Variants in PPP6R3 observed in about 807,000 individuals in gnomAD.
The protein encoded by PPP6R3 is serine/threonine-protein phosphatase 6 regulatory subunit 3.
A neutral mutation model predicts 110.7 loss-of-function variants in PPP6R3; 38 were observed. That is an observed-to-expected ratio of 0.34 (90% CI 0.26 to 0.45). The LOEUF (loss-of-function observed/expected upper bound fraction) is 0.45, where lower values mean the gene tolerates loss of function less well. Ranked by LOEUF, PPP6R3 falls within the 20% of genes least tolerant of loss-of-function variation. PPP6R3 has a pLI of 1.00. For synonymous variants in PPP6R3, 369 were observed against 373.5 expected, an observed-to-expected ratio of 0.99 and a Z score of 0.14; for missense variants, 870 against 1,062.4, an observed-to-expected ratio of 0.82 and a Z score of 2.52.
At chr11:68,525,797 G>T (rs2099194071) in intron 2 of PPP6R3, among the ~76,000 whole-genome samples, 1 of 152,072 alleles carries the variant, frequency 6.6e-6, no homozygotes, top group African/African-American at 2.4e-5. Context: ...GATTAGGAAA[G>T]GCCATTTTCT....
At chr11:68,463,025 T>C (rs1326372609) in intron 1 of PPP6R3, among the ~76,000 whole-genome samples, 1 of 152,200 alleles carries the variant, frequency 6.6e-6, no homozygotes, top group African/African-American at 2.4e-5. Context: ...AGACCATAGC[T>C]GAGCAGAAAA....
chr11:68,490,258 A>C (rs923160048), intron 1 of PPP6R3, among the ~76,000 whole-genome samples: 2 of 151,310 alleles, frequency 1.3e-5, no homozygotes, highest in East Asian at 1.9e-4. Context: ...ATTTCATTCT[A>C]CTCTTTCCTG....
intron 12 of PPP6R3, among the ~76,000 whole-genome samples, chr11:68,573,149 TATATAA>T (rs1320632573): frequency 3.6e-4 from 41 of 113,448 alleles, no homozygotes; most frequent in South Asian, 5.7e-4. Flanking sequence ...TATATATATA[TATATAA>T]TTTTTTTTTT....
At chr11:68,600,754 A>C (rs770646842) in intron 20 of PPP6R3, among the ~76,000 whole-genome samples, 3 of 152,206 alleles carry the variant, frequency 2.0e-5, no homozygotes, top group Admixed American at 6.5e-5. Context: ...GGTCCCAGGG[A>C]GTTAGCAGGA....
At chr11:68,467,117 CACTT>C (rs1377740892) in intron 1 of PPP6R3, among the ~76,000 whole-genome samples, 1 of 152,234 alleles carries the variant, frequency 6.6e-6, no homozygotes, top group East Asian at 1.9e-4. Context: ...TACTAATTGT[CACTT>C]ACGGCTGGCT....
At chr11:68,540,794 AAAG>A (rs886120283) in intron 3 of PPP6R3, among the ~76,000 whole-genome samples, 2 of 152,192 alleles carry the variant, frequency 1.3e-5, no homozygotes, top group African/African-American at 4.8e-5. Flanking sequence ...TTTGCTTTTG[AAAG>A]AAGAGAAATA....
intron 5 of PPP6R3, among the ~76,000 whole-genome samples, chr11:68,550,172 T>C (rs1024503003): frequency 3.3e-5 from 5 of 152,254 alleles, no homozygotes; most frequent in African/African-American, 1.2e-4. Flanking sequence ...AGAATTTGTG[T>C]GCACATTTTA....
At chr11:68,567,687 CTG>C (rs2153759187) in intron 10 of PPP6R3, among the ~76,000 whole-genome samples, 1 of 152,304 alleles carries the variant, frequency 6.6e-6, no homozygotes, top group East Asian at 1.9e-4. Flanking sequence ...GTTTCAGAGT[CTG>C]TGCTTAGAAT....
rs1186755166 is a variant in PPP6R3, at chr11:68,544,934, C to T, written c.324C>T (p.Ser108=). 6 of 1,604,288 alleles carry T rather than the reference C, an allele frequency of 3.7e-6. No individual in the cohort carries two copies. The highest frequency in any genetic ancestry group is 1.7e-4 in the Middle Eastern group (1 of 6,046). The change falls in exon 4 of 24, where the codon AGC becomes AGT. Residue 108 remains serine, a synonymous_variant. Transcript: ENST00000393800. Reference sequence around the variant, plus strand: ...AATCCTTGCTAATGAAATTATATAGCTTCCTCCTAAACGATTCCCCTTTGA... The same window carrying T: ...AATCCTTGCTAATGAAATTATATAGTTTCCTCCTAAACGATTCCCCTTTGA... ...EDESLLMKLY[S]FLLNDSPLNP...
chr11:68,560,550 A>G (rs2153730617), intron 8 of PPP6R3, among the ~76,000 whole-genome samples: 2 of 152,344 alleles, frequency 1.3e-5, no homozygotes, highest in Non-Finnish European at 2.9e-5. Flanking sequence ...AGTTGAAGAA[A>G]TTGAACTTAT....
intron 2 of PPP6R3, among the ~76,000 whole-genome samples, chr11:68,520,874 C>G (rs993255646): frequency 6.6e-6 from 1 of 152,092 alleles, no homozygotes; most frequent in African/African-American, 2.4e-5. Context: ...CGGGTTCAAG[C>G]GATTATCCGG....
chr11:68,572,075 G>T (rs753212211), intron 12 of PPP6R3, among the ~76,000 whole-genome samples: 4 of 152,052 alleles, frequency 2.6e-5, no homozygotes, highest in Non-Finnish European at 4.4e-5. Flanking sequence ...GCTTCATGTG[G>T]GAAATTGGCA....
intron 22 of PPP6R3, among the ~76,000 whole-genome samples, chr11:68,605,927 A>G (rs552018097): frequency 6.6e-6 from 1 of 152,352 alleles, no homozygotes; most frequent in South Asian, 2.1e-4. Context: ...AAAAAGTACA[A>G]AACCTGCCCA....
chr11:68,595,903 G>C (rs1159046460), intron 18 of PPP6R3, among the ~76,000 whole-genome samples, 194 bp from the exon 19 acceptor site: 1 of 152,200 alleles, frequency 6.6e-6, no homozygotes, highest in African/African-American at 2.4e-5. Context: ...CTGTGGTGGA[G>C]GCTTAGTGTG....
intron 5 of PPP6R3, among the ~76,000 whole-genome samples, chr11:68,550,542 G>C (rs1028806291): frequency 3.3e-5 from 5 of 152,220 alleles, no homozygotes; most frequent in Middle Eastern, 3.4e-3. Flanking sequence ...TTCATACATG[G>C]ATTAAAAGGA....
At chr11:68,566,729 A>G (rs898303101) in intron 9 of PPP6R3, among the ~76,000 whole-genome samples, 6 of 152,204 alleles carry the variant, frequency 3.9e-5, no homozygotes, top group Non-Finnish European at 8.8e-5. Flanking sequence ...GATATTCTGT[A>G]GCCTTCTGCT....
intron 2 of PPP6R3, 40 bp downstream of exon 2, chr11:68,519,691 T>C: frequency 2.5e-6 from 1 of 398,338 alleles, no homozygotes. Flanking sequence ...CTTCCATTAA[T>C]GACATCAAGG....
chr11:68,515,157 C>T (rs1430195891), intron 1 of PPP6R3: 2 of 152,366 alleles, frequency 1.3e-5, no homozygotes, highest in South Asian at 2.1e-4. Flanking sequence ...ATTAACAGAG[C>T]TTCGTGCAGG....
At chr11:68,573,915 C>T (rs1359245491) in intron 12 of PPP6R3, among the ~76,000 whole-genome samples, 194 bp from the exon 13 acceptor site, 1 of 152,228 alleles carries the variant, frequency 6.6e-6, no homozygotes, top group Admixed American at 6.5e-5. Context: ...TTTCACACCC[C>T]TCCCTGACCA....
Sources: allele counts gnomAD v4.1 joint callset (sites outside exome capture counted in the v4.1 genomes callset), GRCh38; gene constraint gnomAD v4.1.1; transcripts MANE v1.5; gene names NCBI Gene and HGNC (gene_info 2026-07-23, HGNC 2026-07-21).